The following PDE3A variants were observed in gnomAD, a reference collection of about 807,000 sequenced individuals.
The protein encoded by PDE3A is phosphodiesterase 3A.
Under a neutral mutation model 98.3 loss-of-function variants are expected in PDE3A, and 43 were observed. The ratio of observed to expected loss-of-function variants is 0.44; its 90% CI spans 0.34 to 0.56. The LOEUF (loss-of-function observed/expected upper bound fraction) is 0.56. Ranked by LOEUF, PDE3A falls within the 20% of genes least tolerant of loss-of-function variation. The pLI, the probability that PDE3A is intolerant of heterozygous loss-of-function variation, is 0.01. For synonymous variants in PDE3A, 663 were observed against 567.9 expected, an observed-to-expected ratio of 1.17 and a Z score of -2.38; for missense variants, 1,427 against 1,440.7, an observed-to-expected ratio of 0.99 and a Z score of 0.15.
chr12:20,633,500 C>G (rs932790667), intron 6 of PDE3A, among the ~76,000 whole-genome samples, 193 bp from the exon 7 acceptor site: 1 of 152,082 alleles, frequency 6.6e-6, no homozygotes, highest in South Asian at 2.1e-4. Flanking sequence ...ATTACTCTCT[C>G]ACAAAAAAGA....
At chr12:20,449,254 GA>G (rs1451135979) in intron 1 of PDE3A, among the ~76,000 whole-genome samples, 1 of 152,130 alleles carries the variant, frequency 6.6e-6, no homozygotes, top group African/African-American at 2.4e-5. Context: ...GCCTTTTGAT[GA>G]AGTAATAATC....
intron 1 of PDE3A, among the ~76,000 whole-genome samples, chr12:20,410,687 T>C (rs1944316820): frequency 6.6e-6 from 1 of 152,180 alleles, no homozygotes. Context: ...TTGTCAATTA[T>C]GTCTCCATAA....
intron 1 of PDE3A, among the ~76,000 whole-genome samples, chr12:20,528,655 G>A (rs988871585): frequency 6.6e-6 from 1 of 152,176 alleles, no homozygotes; most frequent in Non-Finnish European, 1.5e-5. Context: ...GGACATGCCT[G>A]ATGGGATTTT....
At chr12:20,665,503 T>A (rs1945285889) in intron 15 of PDE3A, among the ~76,000 whole-genome samples, 1 of 152,188 alleles carries the variant, frequency 6.6e-6, no homozygotes, top group African/African-American at 2.4e-5. Context: ...ATGTATAAGA[T>A]CTGTACAGGT....
At chr12:20,624,011 G>A (rs534517019) in intron 5 of PDE3A, among the ~76,000 whole-genome samples, 21 of 152,094 alleles carry the variant, frequency 1.4e-4, no homozygotes, top group South Asian at 6.2e-4. Flanking sequence ...GTAATAATAC[G>A]TAATTCAAGA....
intron 1 of PDE3A, among the ~76,000 whole-genome samples, chr12:20,405,202 T>C (rs1591895006): frequency 6.6e-6 from 1 of 152,294 alleles, no homozygotes; most frequent in East Asian, 1.9e-4. Flanking sequence ...CTATCTTTGC[T>C]GTGTGGATTT....
At chr12:20,575,326 A>T (rs746972100) in intron 2 of PDE3A, among the ~76,000 whole-genome samples, 14 of 152,046 alleles carry the variant, frequency 9.2e-5, no homozygotes, top group Admixed American at 2.0e-4. Context: ...TAACTCTTTC[A>T]TTATGGCTAA....
chr12:20,655,460 C>T lies in PDE3A; in HGVS notation c.3184+1255C>T, dbSNP rs573948474. Among the ~76,000 whole-genome samples, 18 of 152,158 alleles carry T rather than the reference C, an allele frequency of 1.2e-4. No homozygotes were observed. The East Asian group carries it at 2.9e-3, about 25-fold the overall frequency. ...CAGAGGCAGCCGGGAACGAACTGTCCAAGGGAGAGAATACAGTCATGGGTT... is the reference window on the plus strand; with the variant it reads ...CAGAGGCAGCCGGGAACGAACTGTCTAAGGGAGAGAATACAGTCATGGGTT... On this transcript the variant is annotated intron_variant, in intron 15 of 15. Coordinates refer to ENST00000359062, the MANE Select transcript of PDE3A (RefSeq NM_000921.5).
intron 1 of PDE3A, among the ~76,000 whole-genome samples, chr12:20,475,452 A>G (rs981682037): frequency 4.6e-5 from 7 of 152,090 alleles, no homozygotes; most frequent in Non-Finnish European, 2.9e-5. Flanking sequence ...GGGGGTGGGC[A>G]TGGTGGTGAC....
chr12:20,478,656 AT>A (rs530844794), intron 1 of PDE3A, among the ~76,000 whole-genome samples: 115 of 152,332 alleles, frequency 7.5e-4, no homozygotes, highest in African/African-American at 2.7e-3. Flanking sequence ...TTTCCAGGAA[AT>A]AATGCTTTTC....
chr12:20,497,314 T>A (rs1945937720), intron 1 of PDE3A, among the ~76,000 whole-genome samples: 4 of 151,848 alleles, frequency 2.6e-5, no homozygotes, highest in Admixed American at 2.0e-4. Context: ...TTTATTACAA[T>A]TGTTATATGA....
chr12:20,396,751 TG>T (rs1173144266), intron 1 of PDE3A, among the ~76,000 whole-genome samples: 1 of 152,150 alleles, frequency 6.6e-6, no homozygotes, highest in Non-Finnish European at 1.5e-5. Flanking sequence ...CATTATCTAA[TG>T]CCCGTTACCT....
intron 2 of PDE3A, among the ~76,000 whole-genome samples, chr12:20,559,840 T>C (rs1942469233): frequency 1.3e-5 from 2 of 152,286 alleles, no homozygotes; most frequent in South Asian, 4.1e-4. Flanking sequence ...ATGAAAAAGC[T>C]TTGGTAAAAG....
intron 1 of PDE3A, among the ~76,000 whole-genome samples, chr12:20,415,061 C>A (rs1944400573): frequency 6.6e-6 from 1 of 150,810 alleles, no homozygotes; most frequent in South Asian, 2.1e-4. Flanking sequence ...TAAAGACTTT[C>A]TTTTTTAACC....
chr12:20,633,719 A>T lies in PDE3A; in HGVS notation c.1787A>T (p.Asn596Ile). 1 of 1,610,840 alleles carries T rather than the reference A, an allele frequency of 6.2e-7. No homozygotes were observed. Residue 596 changes from asparagine to isoleucine, a missense_variant, in exon 7 of 16, where the codon AAT becomes ATT. Physicochemically the swap from Asn to Ile is moderately radical, Grantham distance 149. Around this residue, in one of 3 missense-constraint regions of PDE3A, gnomAD observed 1,012 missense variants for 886.5 expected, o/e 1.14. Coordinates refer to ENST00000359062, the MANE Select transcript of PDE3A (RefSeq NM_000921.5). ...TGTGGCAGACCATATTCCCAAGGGA[A>T]TCCTGCTGATGAGCCCCTGGAGAGA... is the stretch of plus-strand genomic sequence containing the variant. ...SSCGRPYSQG[N>I]PADEPLERSG...
intron 13 of PDE3A, 56 bp from the exon 14 acceptor site, chr12:20,650,384 CTTCTA>C (rs1329756181): frequency 1.8e-5 from 19 of 1,083,550 alleles, no homozygotes; most frequent in East Asian, 2.4e-5. Flanking sequence ...TTGTTTTTCT[CTTCTA>C]TTCAACTTTT....
intron 1 of PDE3A, among the ~76,000 whole-genome samples, chr12:20,397,799 C>G (rs375474487): frequency 6.6e-6 from 1 of 152,052 alleles, no homozygotes; most frequent in East Asian, 1.9e-4. Context: ...AAATAGGCAA[C>G]TCAGTAACAA....
rs180778716 is a variant in PDE3A, at chr12:20,509,685, A to G, written c.961-46975A>G. Among the ~76,000 whole-genome samples, 699 of 152,132 alleles carry G rather than the reference A, an allele frequency of 4.6e-3. 6 individuals carry two copies. The highest frequency in any genetic ancestry group is 0.016 in the African/African-American group (675 of 41,546). ...TTGTAGCCTCTGTTTTCTGTTTGTT[A>G]CCAGATGATATTTTAATGTTTTCCT... On this transcript the variant is annotated intron_variant, in intron 1 of 15. Coordinates refer to ENST00000359062, the MANE Select transcript of PDE3A (RefSeq NM_000921.5).
intron 2 of PDE3A, among the ~76,000 whole-genome samples, chr12:20,593,033 T>A (rs1943376362): frequency 6.6e-6 from 1 of 152,202 alleles, no homozygotes; most frequent in Non-Finnish European, 1.5e-5. Flanking sequence ...AGGAATTTAG[T>A]CATAATTAGC....
Sources: gnomAD v4.1 joint callset for allele counts (sites outside exome capture counted in the v4.1 genomes callset) on GRCh38, gnomAD v4.1.1 for gene constraint, gnomAD v4.1.1 regional missense constraint, MANE v1.5 for transcripts, NCBI Gene and HGNC (gene_info 2026-07-23, HGNC 2026-07-21) for gene names.